KCNK12: variants seen among roughly 807,000 people sequenced by gnomAD.
The protein encoded by KCNK12 is potassium channel subfamily K member 12.
Under a neutral mutation model 25.3 loss-of-function variants are expected in KCNK12, and 6 were observed. The observed-to-expected ratio is 0.24, with a 90% CI of 0.13 to 0.47. The LOEUF (loss-of-function observed/expected upper bound fraction) is 0.47, where lower values mean the gene tolerates loss of function less well. Ranked by LOEUF, KCNK12 falls within the 20% of genes least tolerant of loss-of-function variation. KCNK12 has a pLI of 0.99. For missense variants in KCNK12, 444 were observed against 661.7 expected (o/e 0.67, Z 3.61); for synonymous variants, 331 against 311.1 (o/e 1.06, Z -0.67).
intron 1 of KCNK12, among the ~76,000 whole-genome samples, chr2:47,544,971 G>A (rs76159034): frequency 6.6e-6 from 1 of 152,242 alleles, no homozygotes; most frequent in East Asian, 1.9e-4. Context: ...TTTTTTCCCT[G>A]TCACTTTTTT....
At position 47,565,525 on chromosome 2, in the gene KCNK12, C is replaced by A. The variant is rs1669773010; in HGVS notation, c.391+4416G>T. ...CCCGTCTACAGCGGCATGATTTTAG[C>A]TTTATAGCTAAAAAACGCTGCCAGA... On this transcript the variant is annotated intron_variant, in intron 1 of 1. Coordinates refer to ENST00000327876, the MANE Select transcript of KCNK12 (RefSeq NM_022055.2). This position sits in a 1 kb window ranked among gnomAD's most constrained non-coding sequence, Gnocchi z 5.0. 6.6e-6 allele frequency: 1 copy of A among 152,172 alleles called. No individual in the cohort carries two copies. The highest frequency in any genetic ancestry group is 6.5e-5 in the Admixed American group (1 of 15,274). 9.4% of individuals were successfully genotyped at this position (152,172 alleles called of 1,614,324 possible). A position where few individuals can be genotyped will look rare whatever the true frequency, so the allele number is the denominator to read the frequency against.
At position 47,517,372 on chromosome 2, in the gene KCNK12, T is replaced by A. The variant is rs1324560313; in HGVS notation, c.*3535A>T. The stretch of plus-strand genomic sequence containing the variant: ...CAATTTAGCAGCTATTTTCCAGGGT[T>A]TGGCTTGGGTTTGGATGCTGGCTTC... On this transcript the variant is annotated 3_prime_UTR_variant, in exon 2 of 2. Transcript: ENST00000327876. The surrounding 1 kb of genome is among the most constrained non-coding windows in gnomAD (Gnocchi z 4.1). 1 of 152,110 alleles carries A rather than the reference T, an allele frequency of 6.6e-6. No homozygotes were observed. Among genetic ancestry groups the A allele is most frequent in the Non-Finnish European group, 1.5e-5 (1 of 68,022 alleles). 9.4% of individuals were successfully genotyped at this position (152,110 alleles called of 1,614,324 possible). A position where few individuals can be genotyped will look rare whatever the true frequency, so the allele number is the denominator to read the frequency against.
Position 47,521,444 on chromosome 2 carries a change from G to A in KCNK12, c.756C>T (p.Val252=). The change falls in exon 2 of 2, where the codon GTC becomes GTT. Residue 252 remains valine (V), a synonymous_variant. Transcript: ENST00000327876. ...CCCCGAAGCCGATGGTGCTGAAGGT[G>A]ACGAAGCAGAAGTAGAGCGAGTCCA... ...DYVDSLYFCF[V]TFSTIGFGDL... is the part of the protein sequence containing the mutation. 6.2e-7 allele frequency: 1 copy of A among 1,613,302 alleles called. No homozygotes were observed. Among genetic ancestry groups the A allele is most frequent in the Non-Finnish European group, 8.5e-7 (1 of 1,179,748 alleles).
At position 47,528,915 on chromosome 2, in the gene KCNK12, T is replaced by C. The variant is rs117493619; in HGVS notation, c.392-7107A>G. 2.7e-3 allele frequency among the ~76,000 whole-genome samples: 408 copies of C among 151,164 alleles called. 8 individuals carry two copies. The East Asian group carries it at 0.061, about 23-fold the overall frequency. Reference sequence around the variant, plus strand: ...TTGGGCCCTTGACACACTCCTCCCATCCAGGCCCCCAGCCACCCTGTGAGG... The same window carrying C: ...TTGGGCCCTTGACACACTCCTCCCACCCAGGCCCCCAGCCACCCTGTGAGG... On this transcript the variant is annotated intron_variant, in intron 1 of 1. Coordinates refer to ENST00000327876, the MANE Select transcript of KCNK12 (RefSeq NM_022055.2). The surrounding 1 kb of genome is among the most constrained non-coding windows in gnomAD (Gnocchi z 4.5).
chr2:47,555,236 T>A lies in KCNK12; in HGVS notation c.391+14705A>T, dbSNP rs1460889356. Among the ~76,000 whole-genome samples the A allele has an allele frequency of 6.6e-6, 1 of 152,226 alleles. No individual in the cohort carries two copies. Among genetic ancestry groups the A allele is most frequent in the East Asian group, 1.9e-4 (1 of 5,196 alleles). Reference sequence around the variant, plus strand: ...AAAGGGTGTGAGGGGGATCAGAGTATGCCATCCCCAAATATGTCACTTTAG... The same window carrying A: ...AAAGGGTGTGAGGGGGATCAGAGTAAGCCATCCCCAAATATGTCACTTTAG... On this transcript the variant is annotated intron_variant, in intron 1 of 1. Transcript: ENST00000327876. This position sits in a 1 kb window ranked among gnomAD's most constrained non-coding sequence, Gnocchi z 4.5.
chr2:47,539,901 T>C (rs931762886), intron 1 of KCNK12, among the ~76,000 whole-genome samples: 5 of 152,214 alleles, frequency 3.3e-5, no homozygotes, highest in Admixed American at 2.0e-4. Context: ...GCTGTGTGAC[T>C]TGCCCACGTA....
chr2:47,559,491 G>A (rs1669619911), intron 1 of KCNK12, among the ~76,000 whole-genome samples: 1 of 152,152 alleles, frequency 6.6e-6, no homozygotes, highest in South Asian at 2.1e-4. Flanking sequence ...CACCTACTTT[G>A]TGCCAAGTAT....
intron 1 of KCNK12, among the ~76,000 whole-genome samples, chr2:47,552,479 G>A (rs1207745056): frequency 1.3e-5 from 2 of 152,166 alleles, no homozygotes; most frequent in Non-Finnish European, 2.9e-5. Context: ...TAGAAACCCT[G>A]GGGCCCTGTA....
rs1430822018 is a variant in KCNK12 at position 47,517,322 on chromosome 2, G to C, written c.*3585C>G. ...GAAGAGGGGGTCTGCTGGGAGGCCT[G>C]TCTGAAGGACGGAGGATCCTGGGTC... On this transcript the variant is annotated 3_prime_UTR_variant, in exon 2 of 2. Coordinates refer to ENST00000327876, the MANE Select transcript of KCNK12 (RefSeq NM_022055.2). This position sits in a 1 kb window ranked among gnomAD's most constrained non-coding sequence, Gnocchi z 4.1. 6.6e-6 allele frequency: 1 copy of C among 152,204 alleles called. No homozygotes were observed. Among genetic ancestry groups the C allele is most frequent in the South Asian group, 2.1e-4 (1 of 4,828 alleles). 9.4% of individuals were successfully genotyped at this position (152,204 alleles called of 1,614,324 possible).
At chr2:47,552,062 G>A (rs12476727) in intron 1 of KCNK12, among the ~76,000 whole-genome samples, 73,415 of 152,036 alleles carry the variant, frequency 0.48, 20,672 homozygotes, top group African/African-American at 0.78. Flanking sequence ...TTATCAGCGT[G>A]CTGGCTCCGA....
At position 47,533,699 on chromosome 2, in the gene KCNK12, G is replaced by T. The variant is rs974873502; in HGVS notation, c.392-11891C>A. Among the ~76,000 whole-genome samples the T allele has an allele frequency of 3.3e-5, 5 of 152,236 alleles. No individual in the cohort carries two copies. The East Asian group carries it at 9.6e-4, about 29-fold the overall frequency. On this transcript the variant is annotated intron_variant, in intron 1 of 1. Coordinates refer to ENST00000327876, the MANE Select transcript of KCNK12 (RefSeq NM_022055.2). The surrounding 1 kb of genome is among the most constrained non-coding windows in gnomAD (Gnocchi z 4.7). ...CACCATCTTTTCCAGTCCCCAAAGT[G>T]AGAGTGTGTGTGTGTGGGAGAGATA...
intron 1 of KCNK12, among the ~76,000 whole-genome samples, chr2:47,544,740 G>A (rs1342180429): frequency 6.6e-6 from 1 of 152,164 alleles, no homozygotes; most frequent in Non-Finnish European, 1.5e-5. Flanking sequence ...TCCTAGGTGG[G>A]TCCCCCAGGC....
rs1669427163 is a variant in KCNK12 at position 47,551,395 on chromosome 2, T to C, written c.391+18546A>G. On this transcript the variant is annotated intron_variant, in intron 1 of 1. Transcript: ENST00000327876. This position sits in a 1 kb window ranked among gnomAD's most constrained non-coding sequence, Gnocchi z 5.3. ...CTTTATTCTTACCCTGGTTTTGTTCTTTTTGCAGCATTTACCACCACCTGA... is the reference window on the plus strand; with the variant it reads ...CTTTATTCTTACCCTGGTTTTGTTCCTTTTGCAGCATTTACCACCACCTGA... 6.6e-6 allele frequency among the ~76,000 whole-genome samples: 1 copy of C among 152,200 alleles called. No homozygotes were observed. Among genetic ancestry groups the C allele is most frequent in the Admixed American group, 6.5e-5 (1 of 15,290 alleles).
At position 47,521,642 on chromosome 2, in the gene KCNK12, G is replaced by A. The variant is rs937095360; in HGVS notation, c.558C>T (p.Arg186=). The A allele has an allele frequency of 6.3e-7, 1 of 1,589,786 alleles. No homozygotes were observed. The highest frequency in any genetic ancestry group is 8.5e-7 in the Non-Finnish European group (1 of 1,170,770). ...MRACRERQLR[R]SGLLPATFRR... is the part of the protein sequence containing the mutation. ...GGAAGGTGGCGGGCAGCAGGCCGCT[G>A]CGGCGCAGCTGGCGCTCCCGGCAGG... Residue 186 remains arginine, a synonymous_variant, in exon 2 of 2, where the codon CGC becomes CGT. Coordinates refer to ENST00000327876, the MANE Select transcript of KCNK12 (RefSeq NM_022055.2).
intron 1 of KCNK12, among the ~76,000 whole-genome samples, chr2:47,568,139 T>C: frequency 6.6e-6 from 1 of 152,054 alleles, no homozygotes; most frequent in Non-Finnish European, 1.5e-5. Flanking sequence ...AGCCGGAACA[T>C]GTCACTGGGA....
At chr2:47,530,365 C>A (rs1438894355) in intron 1 of KCNK12, among the ~76,000 whole-genome samples, 1 of 152,126 alleles carries the variant, frequency 6.6e-6, no homozygotes, top group East Asian at 1.9e-4. Flanking sequence ...GACATGTGCC[C>A]CAGCCCTGGT....
rs1669572578 is a variant in KCNK12 at position 47,557,431 on chromosome 2, TG to T, written c.391+12509del. On this transcript the variant is annotated intron_variant, in intron 1 of 1. Coordinates refer to ENST00000327876, the MANE Select transcript of KCNK12 (RefSeq NM_022055.2). The surrounding 1 kb of genome is among the most constrained non-coding windows in gnomAD (Gnocchi z 4.9). ...ATGGTGAGTGAAATCAACTTTTTTT[TG>T]TTTGTTTTTTTTTAATAAATTACCC... Among the ~76,000 whole-genome samples, 1 of 152,052 alleles carries T rather than the reference TG, an allele frequency of 6.6e-6. No individual in the cohort carries two copies. The highest frequency in any genetic ancestry group is 6.5e-5 in the Admixed American group (1 of 15,272).
rs6747254 is a variant in KCNK12 at position 47,536,708 on chromosome 2, A to G, written c.392-14900T>C. On this transcript the variant is annotated intron_variant, in intron 1 of 1. Coordinates refer to ENST00000327876, the MANE Select transcript of KCNK12 (RefSeq NM_022055.2). ...GCATCTCAGTCAGAGGGTATCAAAGAGGGCTAATTCTAGGAGTTGGGCTTG... is the reference window on the plus strand; with the variant it reads ...GCATCTCAGTCAGAGGGTATCAAAGGGGGCTAATTCTAGGAGTTGGGCTTG... Among the ~76,000 whole-genome samples the G allele has an allele frequency of 3.2e-3, 494 of 152,288 alleles. 2 individuals carry two copies. Among genetic ancestry groups the G allele is most frequent in the African/African-American group, 0.011 (466 of 41,558 alleles).
In KCNK12 at chr2:47,513,427, T is replaced by C. The variant is rs876937; in HGVS notation, c.*7480A>G. Among the ~76,000 whole-genome samples the C allele has an allele frequency of 0.47, 72,069 of 152,074 alleles. 18,071 individuals are homozygous for C. Among genetic ancestry groups the C allele is most frequent in the East Asian group, 0.65 (3,388 of 5,174 alleles). Reference sequence around the variant, plus strand: ...ATCCTGTGCTCTTGGTTTTCTCCCATATCTCTGACCCTCTTTCCTTAGTCT... The same window carrying C: ...ATCCTGTGCTCTTGGTTTTCTCCCACATCTCTGACCCTCTTTCCTTAGTCT... On this transcript the variant is annotated 3_prime_UTR_variant, in exon 2 of 2. Coordinates refer to ENST00000327876, the MANE Select transcript of KCNK12 (RefSeq NM_022055.2).
Sources: allele counts gnomAD v4.1 joint callset (sites outside exome capture counted in the v4.1 genomes callset), GRCh38; gene constraint gnomAD v4.1.1; non-coding constraint Gnocchi (gnomAD v3.1); transcripts MANE v1.5; gene names NCBI Gene and HGNC (gene_info 2026-07-23, HGNC 2026-07-21).